The following ZNF521 variants were observed in gnomAD, a reference collection of about 807,000 sequenced individuals.
ZNF521 encodes the protein LYST-interacting protein 3.
Under a neutral mutation model 105.5 loss-of-function variants are expected in ZNF521, and 14 were observed. The ratio of observed to expected loss-of-function variants is 0.13; its 90% CI spans 0.09 to 0.21. The LOEUF (loss-of-function observed/expected upper bound fraction) is 0.21. Among genes scored for constraint, ZNF521 ranks in the 10% least tolerant of loss-of-function variants. The probability of loss-of-function intolerance (pLI) is 1.00; values close to 1 mark genes in which losing one functional copy is unlikely to be tolerated. For synonymous variants in ZNF521, 635 were observed against 606.0 expected (o/e 1.05, Z -0.70); for missense variants, 1,233 against 1,629.7 (o/e 0.76, Z 4.19).
chr18:25,240,507 G>A (rs529887597), intron 3 of ZNF521, among the ~76,000 whole-genome samples: 1 of 152,118 alleles, frequency 6.6e-6, no homozygotes, highest in Non-Finnish European at 1.5e-5. Flanking sequence ...ACATAAACAC[G>A]AGAGGGCTGT....
chr18:25,284,910 G>GCACACA (rs45525437), intron 3 of ZNF521, among the ~76,000 whole-genome samples: 9,874 of 148,602 alleles, frequency 0.066, 400 homozygotes, highest in Non-Finnish European at 0.083. Context: ...GTGCGCGCGC[G>GCACACA]CACACACACA....
chr18:25,068,981 C>A (rs2033146980), intron 7 of ZNF521, among the ~76,000 whole-genome samples: 1 of 152,190 alleles, frequency 6.6e-6, no homozygotes, highest in Non-Finnish European at 1.5e-5. Context: ...TCTACCTAGT[C>A]CTCAAACATT....
intron 7 of ZNF521, among the ~76,000 whole-genome samples, chr18:25,074,491 G>A (rs1158734004): frequency 2.0e-5 from 3 of 151,876 alleles, no homozygotes; most frequent in East Asian, 3.9e-4. Flanking sequence ...AAAATTTCAG[G>A]TCTCTTTCTT....
At chr18:25,195,006 A>T (rs2035879384) in intron 5 of ZNF521, among the ~76,000 whole-genome samples, 154 bp downstream of exon 5, 1 of 151,690 alleles carries the variant, frequency 6.6e-6, no homozygotes. Context: ...CTAACACCTT[A>T]TCAGGACTAA....
At chr18:25,206,310 G>A (rs1275233969) in intron 4 of ZNF521, among the ~76,000 whole-genome samples, 1 of 152,018 alleles carries the variant, frequency 6.6e-6, no homozygotes, top group Non-Finnish European at 1.5e-5. Flanking sequence ...CACCGCGCCC[G>A]GCCCATTTTG....
chr18:25,222,408 A>G (rs1905786931), intron 4 of ZNF521, among the ~76,000 whole-genome samples: 3 of 152,186 alleles, frequency 2.0e-5, no homozygotes. Context: ...CTTAGATGTT[A>G]TTATAATTAC....
intron 3 of ZNF521, among the ~76,000 whole-genome samples, chr18:25,229,080 T>C (rs1906365068): frequency 6.6e-6 from 1 of 152,224 alleles, no homozygotes; most frequent in African/African-American, 2.4e-5. Context: ...AAATAAGTTT[T>C]TAAATTCTTC....
intron 4 of ZNF521, among the ~76,000 whole-genome samples, chr18:25,214,515 T>A (rs76986964): frequency 0.021 from 3,200 of 152,276 alleles, 106 homozygotes; most frequent in African/African-American, 0.069. Context: ...TTCCTTATTT[T>A]CTAAAGTATA....
chr18:25,341,460 C>G (rs1483341136), intron 2 of ZNF521, among the ~76,000 whole-genome samples: 1 of 152,148 alleles, frequency 6.6e-6, no homozygotes, highest in African/African-American at 2.4e-5. Context: ...TTCACCATTG[C>G]ACGATTAACT....
intron 4 of ZNF521, among the ~76,000 whole-genome samples, chr18:25,212,925 G>T (rs1266593851): frequency 6.6e-6 from 1 of 151,222 alleles, no homozygotes; most frequent in Non-Finnish European, 1.5e-5. Flanking sequence ...AAGTTTTATT[G>T]TAATAATTTG....
Position 25,212,538 on chromosome 18 carries a change from A to ATATATATAT in ZNF521, c.3573+11806_3573+11807insATATATATA, listed in dbSNP as rs1380631267. On this transcript the variant is annotated intron_variant, in intron 4 of 7. Coordinates refer to ENST00000361524, the MANE Select transcript of ZNF521 (RefSeq NM_015461.3). ...AAAAAAAAAAAAAAAAAAAAAAAAA[A>ATATATATAT]ATATATATATATATATATATATATA... Among the ~76,000 whole-genome samples the ATATATATAT allele has an allele frequency of 8.3e-5, 4 of 48,144 alleles. 1 individual carries two copies. Among genetic ancestry groups the ATATATATAT allele is most frequent in the African/African-American group, 5.3e-4 (4 of 7,610 alleles). 31.6% of individuals were successfully genotyped at this position (48,144 alleles called of 152,430 possible).
Position 25,186,825 on chromosome 18 carries a change from G to C in ZNF521, c.3658+8335C>G, listed in dbSNP as rs150662060. 3.2e-3 allele frequency among the ~76,000 whole-genome samples: 476 copies of C among 150,214 alleles called. 2 individuals are homozygous for C. Among genetic ancestry groups the C allele is most frequent in the African/African-American group, 0.011 (450 of 40,622 alleles). The stretch of plus-strand genomic sequence containing the variant: ...ACACAGTGAACACTCCATGGTACTA[G>C]GTTGATGAATTAAGAGATAAAAACC... On this transcript the variant is annotated intron_variant, in intron 5 of 7. Transcript: ENST00000361524.
chr18:25,161,260 G>A (rs1940913545), intron 5 of ZNF521, among the ~76,000 whole-genome samples: 1 of 152,006 alleles, frequency 6.6e-6, no homozygotes, highest in South Asian at 2.1e-4. Context: ...CGGTGGTTGG[G>A]GGAAGTTTTG....
chr18:25,315,366 G>C (rs1306250815), intron 3 of ZNF521, among the ~76,000 whole-genome samples: 2 of 152,138 alleles, frequency 1.3e-5, no homozygotes, highest in Non-Finnish European at 2.9e-5. Context: ...TAGACTCCAG[G>C]AAAATTGCAC....
rs1018592767 is a variant in ZNF521, at chr18:25,333,839, G to A, written c.41-11652C>T. 9.2e-5 allele frequency among the ~76,000 whole-genome samples: 14 copies of A among 152,274 alleles called. 1 individual carries two copies. Among genetic ancestry groups the A allele is most frequent in the Admixed American group, 4.6e-4 (7 of 15,296 alleles). On this transcript the variant is annotated intron_variant, in intron 2 of 7. Transcript: ENST00000361524. ...CTGCTTCATGGTGTGTTTAATACAGGCAGTGTGGTATTACCAGGGGCTAGT... is the reference window on the plus strand; with the variant it reads ...CTGCTTCATGGTGTGTTTAATACAGACAGTGTGGTATTACCAGGGGCTAGT...
intron 3 of ZNF521, chr18:25,273,612 A>G (rs921968265): frequency 6.6e-6 from 1 of 152,232 alleles, no homozygotes; most frequent in South Asian, 2.1e-4. Context: ...AAAGGTAATA[A>G]CAATTACACT....
At chr18:25,334,439 C>G (rs960883735) in intron 2 of ZNF521, among the ~76,000 whole-genome samples, 2 of 152,198 alleles carry the variant, frequency 1.3e-5, no homozygotes, top group Non-Finnish European at 2.9e-5. Context: ...GCCATACTAA[C>G]TGGATGGGCC....
At chr18:25,107,555 T>A (rs1284087627) in intron 5 of ZNF521, among the ~76,000 whole-genome samples, 1 of 152,198 alleles carries the variant, frequency 6.6e-6, no homozygotes, top group African/African-American at 2.4e-5. Flanking sequence ...TAAATAATAT[T>A]TAGAACACTC....
chr18:25,344,612 T>C (rs1234610091), intron 2 of ZNF521, among the ~76,000 whole-genome samples: 1 of 152,210 alleles, frequency 6.6e-6, no homozygotes, highest in Non-Finnish European at 1.5e-5. Context: ...AGAAAAAAAT[T>C]AAATACATCT....
Sources: allele counts gnomAD v4.1 joint callset (sites outside exome capture counted in the v4.1 genomes callset), GRCh38; gene constraint gnomAD v4.1.1; transcripts MANE v1.5; gene names NCBI Gene and HGNC (gene_info 2026-07-23, HGNC 2026-07-21).